LDLRAD4: variants seen among roughly 807,000 people sequenced by gnomAD.
LDLRAD4 encodes the protein low density lipoprotein receptor class A domain containing 4.
In LDLRAD4, 5 loss-of-function variants were observed where a neutral mutation model predicts 17.0. That is an observed-to-expected ratio of 0.29 (90% CI 0.15 to 0.62). The LOEUF (loss-of-function observed/expected upper bound fraction) is 0.62, where lower values mean the gene tolerates loss of function less well. Among genes scored for constraint, LDLRAD4 ranks in the 20% least tolerant of loss-of-function variants. The probability of loss-of-function intolerance (pLI) is 0.84; values close to 1 mark genes in which losing one functional copy is unlikely to be tolerated. For synonymous variants in LDLRAD4, 168 were observed against 171.8 expected (o/e 0.98, Z 0.17); for missense variants, 340 against 424.7 (o/e 0.80, Z 1.75).
At chr18:13,590,574 T>C (rs1475394922) in intron 3 of LDLRAD4, among the ~76,000 whole-genome samples, 2 of 152,208 alleles carry the variant, frequency 1.3e-5, no homozygotes, top group African/African-American at 4.8e-5. Flanking sequence ...ACTGGTGTCT[T>C]TTCCTCTTCA....
intron 1 of LDLRAD4, among the ~76,000 whole-genome samples, chr18:13,226,602 C>T (rs996011816): frequency 1.3e-5 from 2 of 151,812 alleles, no homozygotes; most frequent in East Asian, 1.9e-4. Context: ...TCTGGCTTAT[C>T]GATGAAAAGA....
At chr18:13,423,420 G>T (rs1047182565) in intron 2 of LDLRAD4, among the ~76,000 whole-genome samples, 6 of 151,866 alleles carry the variant, frequency 4.0e-5, no homozygotes, top group Non-Finnish European at 8.8e-5. Flanking sequence ...TTGAACCCGG[G>T]AGGCAGAGGT....
intron 3 of LDLRAD4, among the ~76,000 whole-genome samples, chr18:13,597,294 A>G (rs780071711): frequency 1.3e-5 from 2 of 152,092 alleles, no homozygotes; most frequent in Non-Finnish European, 2.9e-5. Flanking sequence ...TGTTAATCTT[A>G]ATAGGGTTAT....
At chr18:13,370,715 T>TTTTTTTTTTG (rs545560689) in intron 1 of LDLRAD4, among the ~76,000 whole-genome samples, 3 of 121,000 alleles carry the variant, frequency 2.5e-5, no homozygotes, top group South Asian at 2.6e-4. Context: ...TTTGTTTTGT[T>TTTTTTTTTTG]TTTTTTTTTT....
chr18:13,463,025 G>A (rs1046477803), intron 3 of LDLRAD4, among the ~76,000 whole-genome samples: 25 of 152,222 alleles, frequency 1.6e-4, no homozygotes, highest in Non-Finnish European at 3.1e-4. Context: ...GGCTTACAGG[G>A]CAAGCAGAGC....
chr18:13,257,793 C>A (rs369970959), intron 1 of LDLRAD4, among the ~76,000 whole-genome samples: 1 of 152,180 alleles, frequency 6.6e-6, no homozygotes, highest in African/African-American at 2.4e-5. Flanking sequence ...CCACAGTCCA[C>A]GGGACAGCCT....
rs543129322 is a variant in LDLRAD4, at chr18:13,255,805, C to T, written c.-466-22300C>T. ...GGATGCACTGAGGTGGAGAGCTGGC[C>T]GAGGGAGATGTGGTGCGTCTGAATT... On this transcript the variant is annotated intron_variant, in intron 1 of 5. Coordinates refer to the LDLRAD4 transcript ENST00000399848. 1.6e-4 allele frequency among the ~76,000 whole-genome samples: 24 copies of T among 152,146 alleles called. 1 individual carries two copies. In the South Asian group the frequency reaches 3.9e-3, roughly 25 times the overall value.
chr18:13,391,191 C>G (rs1484757675), intron 2 of LDLRAD4, among the ~76,000 whole-genome samples: 1 of 152,218 alleles, frequency 6.6e-6, no homozygotes, highest in African/African-American at 2.4e-5. Flanking sequence ...AGGCAAACAT[C>G]ACTGGGCAGT....
At chr18:13,330,040 C>CT (rs1282550517) in intron 1 of LDLRAD4, among the ~76,000 whole-genome samples, 1 of 151,978 alleles carries the variant, frequency 6.6e-6, no homozygotes, top group Non-Finnish European at 1.5e-5. Flanking sequence ...ACTGCAAACT[C>CT]TGCCTCTCGG....
At chr18:13,441,488 C>T (rs1014091211) in intron 3 of LDLRAD4, among the ~76,000 whole-genome samples, 20 of 152,190 alleles carry the variant, frequency 1.3e-4, no homozygotes, top group African/African-American at 4.1e-4. Flanking sequence ...ATCTATGTCA[C>T]CTTGTTCCCA....
At chr18:13,475,918 T>C (rs950805598) in intron 3 of LDLRAD4, among the ~76,000 whole-genome samples, 2 of 151,928 alleles carry the variant, frequency 1.3e-5, no homozygotes, top group African/African-American at 2.4e-5. Flanking sequence ...AGCAAAGGGA[T>C]GGAGGAGGAA....
intron 3 of LDLRAD4, among the ~76,000 whole-genome samples, chr18:13,493,132 G>A (rs538511266): frequency 1.3e-5 from 2 of 152,064 alleles, no homozygotes; most frequent in East Asian, 3.9e-4. Context: ...AAAAGGAGAG[G>A]ATCAAAACAC....
At chr18:13,228,764 A>G (rs1309308130) in intron 1 of LDLRAD4, among the ~76,000 whole-genome samples, 1 of 152,230 alleles carries the variant, frequency 6.6e-6, no homozygotes, top group Non-Finnish European at 1.5e-5. Context: ...ATGACATTCA[A>G]AATTGTTTAC....
upstream of LDLRAD4, among the ~76,000 whole-genome samples, chr18:13,276,823 G>C (rs2044903369): frequency 6.6e-6 from 1 of 152,192 alleles, no homozygotes; most frequent in African/African-American, 2.4e-5. Context: ...TCAAGGGGAG[G>C]GAGTTGTACA....
At chr18:13,423,848 T>A (rs924229492) in intron 2 of LDLRAD4, among the ~76,000 whole-genome samples, 1 of 152,060 alleles carries the variant, frequency 6.6e-6, no homozygotes, top group Non-Finnish European at 1.5e-5. Context: ...CATCTTCCAG[T>A]GTTAGGCCTG....
intron 3 of LDLRAD4, among the ~76,000 whole-genome samples, chr18:13,528,672 T>C (rs915767719): frequency 3.9e-5 from 6 of 152,220 alleles, no homozygotes; most frequent in African/African-American, 1.4e-4. Flanking sequence ...TAGTATAATT[T>C]ACGTAAGTTT....
intron 3 of LDLRAD4, among the ~76,000 whole-genome samples, chr18:13,588,664 C>A (rs765466222): frequency 6.6e-6 from 1 of 151,916 alleles, no homozygotes; most frequent in Non-Finnish European, 1.5e-5. Context: ...TGTTTTTGTA[C>A]GCAGCTTCCA....
chr18:13,283,725 T>G (rs1246832384), intron 1 of LDLRAD4, among the ~76,000 whole-genome samples: 1 of 152,224 alleles, frequency 6.6e-6, no homozygotes, highest in African/African-American at 2.4e-5. Flanking sequence ...CACTTTCACA[T>G]TTTCGAGTAT....
At chr18:13,407,667 G>A (rs959213212) in intron 2 of LDLRAD4, among the ~76,000 whole-genome samples, 5 of 152,214 alleles carry the variant, frequency 3.3e-5, no homozygotes, top group African/African-American at 1.2e-4. Context: ...GAGAATCTTT[G>A]CCTGGCCAAA....
Sources: allele counts gnomAD v4.1 joint callset (sites outside exome capture counted in the v4.1 genomes callset), GRCh38; gene constraint gnomAD v4.1.1; transcripts MANE v1.5; gene names NCBI Gene and HGNC (gene_info 2026-07-23, HGNC 2026-07-21).